Variants in CUEDC1 observed in about 807,000 individuals in gnomAD.
CUEDC1 encodes the protein CUE domain containing 1.
A neutral mutation model predicts 43.7 loss-of-function variants in CUEDC1; 30 were observed. The ratio of observed to expected loss-of-function variants is 0.69; its 90% CI spans 0.51 to 0.93. CUEDC1 has a LOEUF of 0.93. CUEDC1 is among the 40% of genes least tolerant of loss of function. CUEDC1 has a pLI of 0.00. For synonymous variants in CUEDC1, 223 were observed against 223.6 expected (o/e 1.00, Z 0.02); for missense variants, 486 against 549.0 (o/e 0.89, Z 1.15).
intron 1 of CUEDC1, among the ~76,000 whole-genome samples, chr17:57,935,474 C>G (rs2074852313): frequency 6.6e-6 from 1 of 151,860 alleles, no homozygotes; most frequent in African/African-American, 2.4e-5. Context: ...TCTTTTCATT[C>G]TCCAGAAGCA....
At chr17:57,897,949 GTTGCAATGAGCCGAGA>G (rs2074430987) in intron 1 of CUEDC1, among the ~76,000 whole-genome samples, 2 of 151,970 alleles carry the variant, frequency 1.3e-5, no homozygotes, top group South Asian at 4.1e-4. Context: ...GGATGCAGAG[GTTGCAATGAGCCGAGA>G]TTGCACCACT....
intron 6 of CUEDC1, among the ~76,000 whole-genome samples, chr17:57,870,673 TTTC>T (rs1398037663): frequency 7.3e-6 from 1 of 136,438 alleles, no homozygotes; most frequent in Non-Finnish European, 1.6e-5. Flanking sequence ...TTGGGGTCCT[TTTC>T]TTCTTTTTTT....
At chr17:57,938,520 C>T (rs1353838722) in intron 1 of CUEDC1, among the ~76,000 whole-genome samples, 3 of 152,164 alleles carry the variant, frequency 2.0e-5, no homozygotes, top group African/African-American at 4.8e-5. Context: ...GCTGGCAGCA[C>T]CATACCAGAG....
At chr17:57,877,780 G>C (rs2074146985) in intron 3 of CUEDC1, among the ~76,000 whole-genome samples, 1 of 151,526 alleles carries the variant, frequency 6.6e-6, no homozygotes, top group African/African-American at 2.4e-5. Flanking sequence ...AGCTACTCGG[G>C]AGGCTGAGGC....
chr17:57,867,304 G>T, intron 9 of CUEDC1, 53 bp downstream of exon 9: 2 of 1,513,336 alleles, frequency 1.3e-6, no homozygotes, highest in Non-Finnish European at 1.8e-6. Context: ...AACTCCGCTG[G>T]GAGATCACCG....
Position 57,921,595 on chromosome 17 carries a change from C to T in CUEDC1, c.-316+33630G>A, listed in dbSNP as rs1046915290. On this transcript the variant is annotated intron_variant, in intron 1 of 10. Coordinates refer to ENST00000577830, the MANE Select transcript of CUEDC1 (RefSeq NM_001271875.2). ...TGTCTGGCCCATTTGCTTTGTGCTT[C>T]TCTCCCGGTTTCTCTGCAGGCTCAC... Among the ~76,000 whole-genome samples the T allele has an allele frequency of 2.6e-5, 4 of 152,192 alleles. No homozygotes were observed. In the East Asian group the frequency reaches 7.7e-4, roughly 29 times the overall value.
chr17:57,932,731 A>G (rs2074820421), intron 1 of CUEDC1, among the ~76,000 whole-genome samples: 1 of 151,428 alleles, frequency 6.6e-6, no homozygotes, highest in Non-Finnish European at 1.5e-5. Flanking sequence ...GCGTGGTGGC[A>G]GGCTCCTGTA....
chr17:57,929,520 C>A (rs2074783042), intron 1 of CUEDC1, among the ~76,000 whole-genome samples: 1 of 152,166 alleles, frequency 6.6e-6, no homozygotes, highest in African/African-American at 2.4e-5. Flanking sequence ...AGCAATCTGA[C>A]CTTAGCACAA....
In CUEDC1 at chr17:57,875,545, G is replaced by A. The variant is rs547225924; in HGVS notation, c.465-1828C>T. On this transcript the variant is annotated intron_variant, in intron 3 of 10. Coordinates refer to ENST00000577830, the MANE Select transcript of CUEDC1 (RefSeq NM_001271875.2). The stretch of plus-strand genomic sequence containing the variant: ...CAGCCCAGGCAACTCCATTGTGGTC[G>A]GAAAGGAATGTCAGAAATGAGCTGA... Among the ~76,000 whole-genome samples, 11 of 152,126 alleles carry A rather than the reference G, an allele frequency of 7.2e-5. No individual in the cohort carries two copies. In the East Asian group the frequency reaches 1.2e-3, roughly 16 times the overall value.
At chr17:57,886,912 G>A (rs1183051996) in intron 1 of CUEDC1, among the ~76,000 whole-genome samples, 2 of 143,720 alleles carry the variant, frequency 1.4e-5, no homozygotes, top group East Asian at 2.2e-4. Context: ...TCCGCTTCCC[G>A]GGTTCACACC....
intron 6 of CUEDC1, among the ~76,000 whole-genome samples, chr17:57,870,670 C>T (rs2074021321): frequency 6.9e-6 from 1 of 143,910 alleles, no homozygotes; most frequent in Non-Finnish European, 1.5e-5. Context: ...ATTTTGGGGT[C>T]CTTTTCTTCT....
At position 57,930,186 on chromosome 17, in the gene CUEDC1, G is replaced by A. The variant is rs562344084; in HGVS notation, c.-316+25039C>T. Among the ~76,000 whole-genome samples the A allele has an allele frequency of 1.3e-5, 2 of 152,216 alleles. No individual in the cohort carries two copies. Among genetic ancestry groups the A allele is most frequent in the Non-Finnish European group, 2.9e-5 (2 of 68,040 alleles). On this transcript the variant is annotated intron_variant, in intron 1 of 10. Transcript: ENST00000577830. This position sits in a 1 kb window ranked among gnomAD's most constrained non-coding sequence, Gnocchi z 4.2. ...ATTCAGGAAGTTCAAGGTGGGGCCC[G>A]TGATTCTCCATTTCTAACCAGGTGA...
chr17:57,872,551 A>G, intron 5 of CUEDC1, 112 bp downstream of exon 5: 1 of 1,216,206 alleles, frequency 8.2e-7, no homozygotes, highest in Non-Finnish European at 1.1e-6. Flanking sequence ...AATAGGACAG[A>G]AAGCACCTGG....
chr17:57,885,385 G>A lies in CUEDC1; in HGVS notation c.180C>T (p.Asn60=), dbSNP rs1219655669. ...AMDDFKTMFP[N]MDYDIIECVL... ...CGCATTCGATGATGTCGTAATCCATGTTGGGGAACATGGTCTTGAAGTCGT... is the reference window on the plus strand; with the variant it reads ...CGCATTCGATGATGTCGTAATCCATATTGGGGAACATGGTCTTGAAGTCGT... The change falls in exon 2 of 11, where the codon AAC becomes AAT. Residue 60 remains asparagine (N), a synonymous_variant. Coordinates refer to ENST00000577830, the MANE Select transcript of CUEDC1 (RefSeq NM_001271875.2). The A allele has an allele frequency of 5.0e-6, 8 of 1,611,754 alleles. No individual in the cohort carries two copies. Among genetic ancestry groups the A allele is most frequent in the South Asian group, 1.1e-5 (1 of 90,678 alleles).
intron 1 of CUEDC1, among the ~76,000 whole-genome samples, chr17:57,931,913 C>T (rs2074807436): frequency 6.6e-6 from 1 of 152,216 alleles, no homozygotes; most frequent in South Asian, 2.1e-4. Context: ...TGCTTCCCTA[C>T]ACGATGCCCC....
chr17:57,879,601 A>C lies in CUEDC1; in HGVS notation c.464+10T>G, dbSNP rs1029169086. The C allele has an allele frequency of 1.3e-6, 2 of 1,585,770 alleles. No individual in the cohort carries two copies. Among genetic ancestry groups the C allele is most frequent in the African/African-American group, 2.7e-5 (2 of 72,858 alleles). ...GCCACCCTGTGCTCTGAGACATGACAGATTCTCACCGGGGAGGCGGAGTCG... is the reference window on the plus strand; with the variant it reads ...GCCACCCTGTGCTCTGAGACATGACCGATTCTCACCGGGGAGGCGGAGTCG... On this transcript the variant is annotated intron_variant, in intron 3 of 10. Coordinates refer to ENST00000577830, the MANE Select transcript of CUEDC1 (RefSeq NM_001271875.2).
At chr17:57,894,080 A>T (rs2074384598) in intron 1 of CUEDC1, among the ~76,000 whole-genome samples, 1 of 152,058 alleles carries the variant, frequency 6.6e-6, no homozygotes, top group Non-Finnish European at 1.5e-5. Flanking sequence ...GTGACAGAGC[A>T]AGACTCCGTC....
intron 10 of CUEDC1, among the ~76,000 whole-genome samples, chr17:57,865,849 T>C (rs1597964936): frequency 6.9e-6 from 1 of 144,354 alleles, no homozygotes; most frequent in South Asian, 2.2e-4. Flanking sequence ...TGAGATGAAG[T>C]TTCACTCTTG....
At chr17:57,871,900 G>A (rs1426581840) in intron 5 of CUEDC1, among the ~76,000 whole-genome samples, 1 of 152,228 alleles carries the variant, frequency 6.6e-6, no homozygotes, top group Non-Finnish European at 1.5e-5. Context: ...CTTCAGCCTG[G>A]GTGACAAGAG....
Sources: allele counts gnomAD v4.1 joint callset (sites outside exome capture counted in the v4.1 genomes callset), GRCh38; gene constraint gnomAD v4.1.1; non-coding constraint Gnocchi (gnomAD v3.1); transcripts MANE v1.5; gene names NCBI Gene and HGNC (gene_info 2026-07-23, HGNC 2026-07-21).